The following CDC123 variants were observed in gnomAD, a reference collection of about 807,000 sequenced individuals.
CDC123 encodes the protein translation initiation factor eIF2 assembly protein.
CDC123 carries 37 observed loss-of-function variants against 54.4 expected under a neutral mutation model. The observed-to-expected ratio is 0.68, with a 90% CI of 0.52 to 0.89. The LOEUF (loss-of-function observed/expected upper bound fraction) is 0.89, where lower values mean the gene tolerates loss of function less well. CDC123 is among the 40% of genes least tolerant of loss of function. The probability of loss-of-function intolerance (pLI) is 0.00; values close to 1 mark genes in which losing one functional copy is unlikely to be tolerated. For missense variants in CDC123, 361 were observed against 412.1 expected (o/e 0.88, Z 1.07); for synonymous variants, 144 against 136.8 (o/e 1.05, Z -0.37).
rs768735927 is a variant in CDC123 at position 12,250,432 on chromosome 10, G to A, written c.*95G>A. The A allele has an allele frequency of 8.6e-6, 8 of 934,404 alleles. No homozygotes were observed. In the South Asian group the frequency reaches 9.1e-5, roughly 11 times the overall value. 57.9% of individuals were successfully genotyped at this position (934,404 alleles called of 1,614,324 possible). ...TTCCTGCCGACCCTGATGCGGGTGG[G>A]CCGAGCAGTGTGGACATCAGCCACT... On this transcript the variant is annotated 3_prime_UTR_variant, in exon 13 of 13. Coordinates refer to ENST00000281141, the MANE Select transcript of CDC123 (RefSeq NM_006023.3).
chr10:12,219,996 C>T (rs1453882989), intron 6 of CDC123, among the ~76,000 whole-genome samples: 1 of 152,058 alleles, frequency 6.6e-6, no homozygotes, highest in Non-Finnish European at 1.5e-5. Context: ...CCATGCCCAA[C>T]TAATTTTTGT....
At chr10:12,233,411 CAGAG>C (rs1038158541) in intron 7 of CDC123, among the ~76,000 whole-genome samples, 59 of 152,156 alleles carry the variant, frequency 3.9e-4, no homozygotes, top group African/African-American at 1.3e-3. Flanking sequence ...AGGAAAAAGA[CAGAG>C]GGACAGAGTT....
chr10:12,221,610 C>T (rs997396510), intron 6 of CDC123, among the ~76,000 whole-genome samples: 8 of 152,150 alleles, frequency 5.3e-5, no homozygotes, highest in East Asian at 1.9e-4. Flanking sequence ...TGCAGCAGCC[C>T]GTGGGCCATG....
At chr10:12,206,326 G>A (rs1476230775) in intron 2 of CDC123, among the ~76,000 whole-genome samples, 5 of 152,232 alleles carry the variant, frequency 3.3e-5, no homozygotes, top group African/African-American at 7.2e-5. Flanking sequence ...AAGCAGCCAT[G>A]TTAAAGATAA....
intron 6 of CDC123, among the ~76,000 whole-genome samples, chr10:12,230,521 C>T (rs1280333881): frequency 6.6e-6 from 1 of 152,174 alleles, no homozygotes; most frequent in East Asian, 1.9e-4. Flanking sequence ...TTGATACAAA[C>T]AGGCCATGCC....
rs1835677121 is a variant in CDC123 at position 12,217,422 on chromosome 10, T to C, written c.395T>C (p.Leu132Pro). ...LKCKTLSDIFLLFKSSDFITR... is the reference protein window; with the variant it reads ...LKCKTLSDIFPLFKSSDFITR... Reference sequence around the variant, plus strand: ...TGTAAAACCCTCAGCGACATCTTTCTGCTTTTCAAGAGTTCCGATTTCATC... The same window carrying C: ...TGTAAAACCCTCAGCGACATCTTTCCGCTTTTCAAGAGTTCCGATTTCATC... Residue 132 changes from leucine to proline, a missense_variant, in exon 6 of 13, where the codon CTG becomes CCG. By Grantham distance (98) the Leu-to-Pro change is moderately conservative. Coordinates refer to ENST00000281141, the MANE Select transcript of CDC123 (RefSeq NM_006023.3). 1 of 1,614,010 alleles carries C rather than the reference T, an allele frequency of 6.2e-7. No homozygotes were observed. The highest frequency in any genetic ancestry group is 1.1e-5 in the South Asian group (1 of 91,068).
In CDC123 at chr10:12,235,130, T is replaced by TTTTGTTTG. The variant is rs752968586; in HGVS notation, c.565+19_565+26dup. On this transcript the variant is annotated splice_region_variant and intron_variant, in intron 8 of 12. Transcript: ENST00000281141. ...AAGGAAAACAAGCTTATTGGTGAGT[T>TTTTGTTTG]TTTGTTTGTTTGTTTGTTTTATCCT... 2.5e-6 allele frequency: 4 copies of TTTTGTTTG among 1,606,154 alleles called. No individual in the cohort carries two copies. Among genetic ancestry groups the TTTTGTTTG allele is most frequent in the Non-Finnish European group, 3.4e-6 (4 of 1,175,918 alleles).
At chr10:12,239,495 C>G (rs911044443) in intron 10 of CDC123, among the ~76,000 whole-genome samples, 4 of 148,598 alleles carry the variant, frequency 2.7e-5, no homozygotes, top group Non-Finnish European at 1.5e-5. Context: ...GGCAGATCAC[C>G]TGAGGTCGGG....
chr10:12,213,660 T>A (rs1835630787), intron 4 of CDC123, among the ~76,000 whole-genome samples: 1 of 152,156 alleles, frequency 6.6e-6, no homozygotes, highest in South Asian at 2.1e-4. Flanking sequence ...TTTTGATAGA[T>A]AATTTATAGA....
Position 12,250,551 on chromosome 10 carries a change from AC to A in CDC123, c.*216del, listed in dbSNP as rs1766023663. ...ATAAATAGATCTTAAACATAGGAAA[AC>A]CATACTGTTCTGATAATAAAATGCT... On this transcript the variant is annotated 3_prime_UTR_variant, in exon 13 of 13. Coordinates refer to ENST00000281141, the MANE Select transcript of CDC123 (RefSeq NM_006023.3). 1 of 593,104 alleles carries A rather than the reference AC, an allele frequency of 1.7e-6. No individual in the cohort carries two copies. Among genetic ancestry groups the A allele is most frequent in the South Asian group, 2.1e-5 (1 of 48,010 alleles). 36.7% of individuals were successfully genotyped at this position (593,104 alleles called of 1,614,324 possible).
chr10:12,202,485 T>G (rs1835452326), intron 2 of CDC123, among the ~76,000 whole-genome samples: 1 of 151,864 alleles, frequency 6.6e-6, no homozygotes, highest in African/African-American at 2.4e-5. Flanking sequence ...CTAAGGGTCC[T>G]CCAGTCCAAT....
intron 10 of CDC123, among the ~76,000 whole-genome samples, chr10:12,241,389 A>T (rs1836055030): frequency 6.6e-6 from 1 of 152,192 alleles, no homozygotes; most frequent in Non-Finnish European, 1.5e-5. Context: ...TCATTTTAAA[A>T]AATACTTCCC....
At chr10:12,220,548 T>C (rs1835722263) in intron 6 of CDC123, among the ~76,000 whole-genome samples, 1 of 152,272 alleles carries the variant, frequency 6.6e-6, no homozygotes, top group Admixed American at 6.5e-5. Context: ...CGTGTCACTT[T>C]GTCTAGAAGT....
intron 2 of CDC123, among the ~76,000 whole-genome samples, chr10:12,202,318 T>C (rs759108251): frequency 8.5e-5 from 13 of 152,192 alleles, no homozygotes; most frequent in Admixed American, 2.6e-4. Context: ...AGTGGAGTTA[T>C]ATAGTATGTA....
intron 4 of CDC123, among the ~76,000 whole-genome samples, chr10:12,213,564 G>GTT (rs570155287): frequency 3.4e-5 from 5 of 146,620 alleles, no homozygotes; most frequent in Admixed American, 1.4e-4. Flanking sequence ...AAAAGTTTCA[G>GTT]TTTTTTTTTT....
chr10:12,235,010 AGGT>A lies in CDC123; in HGVS notation c.490-36_490-34del, dbSNP rs755970223. On this transcript the variant is annotated intron_variant, in intron 7 of 12. Coordinates refer to ENST00000281141, the MANE Select transcript of CDC123 (RefSeq NM_006023.3). ...AATTGCCTAGTAGACCTTACCACAT[AGGT>A]GTGTTATATTAAATATTTTTTCTTT... is the stretch of plus-strand genomic sequence containing the variant. 2.7e-6 allele frequency: 4 copies of A among 1,486,046 alleles called. No individual in the cohort carries two copies. The Admixed American group carries it at 6.7e-5, about 25-fold the overall frequency. The allele number at this position is 1,486,046 out of a possible 1,614,324, so 92.1% of individuals were successfully genotyped here.
chr10:12,228,193 C>A (rs1835852463), intron 6 of CDC123, among the ~76,000 whole-genome samples: 1 of 152,072 alleles, frequency 6.6e-6, no homozygotes, highest in Non-Finnish European at 1.5e-5. Context: ...CCTCAGCCTT[C>A]CAAAGTGTTG....
chr10:12,197,179 G>C (rs1835366616), intron 1 of CDC123, among the ~76,000 whole-genome samples: 1 of 152,154 alleles, frequency 6.6e-6, no homozygotes, highest in Admixed American at 6.5e-5. Context: ...TGTTAGCTTT[G>C]TAAGAGTAAA....
chr10:12,234,750 ATTTT>A (rs968508731), intron 7 of CDC123, among the ~76,000 whole-genome samples: 3 of 133,928 alleles, frequency 2.2e-5, no homozygotes, highest in Non-Finnish European at 1.6e-5. Flanking sequence ...CATGTGAAGA[ATTTT>A]TTTTTTTTTT....
Sources: gnomAD v4.1 joint callset for allele counts (sites outside exome capture counted in the v4.1 genomes callset) on GRCh38, gnomAD v4.1.1 for gene constraint, MANE v1.5 for transcripts, NCBI Gene and HGNC (gene_info 2026-07-23, HGNC 2026-07-21) for gene names.